HPSE2: variants seen among roughly 807,000 people sequenced by gnomAD.
HPSE2 encodes the protein heparanase 2 (inactive), also known as inactive heparanase-2.
HPSE2 carries 38 observed loss-of-function variants against 60.5 expected under a neutral mutation model. The observed-to-expected ratio is 0.63, with a 90% CI of 0.48 to 0.82. The LOEUF is 0.82. Ranked by LOEUF, HPSE2 falls within the 40% of genes least tolerant of loss-of-function variation. HPSE2 has a pLI of 0.00. For missense variants in HPSE2, 713 were observed against 740.4 expected (o/e 0.96, Z 0.43); for synonymous variants, 295 against 293.2 (o/e 1.01, Z -0.06).
intron 9 of HPSE2, among the ~76,000 whole-genome samples, chr10:98,588,401 C>T (rs1357114983): frequency 3.3e-5 from 5 of 152,046 alleles, no homozygotes; most frequent in African/African-American, 1.2e-4. Context: ...TATGGAGCTG[C>T]GGGGAGACTT....
chr10:98,879,598 CA>C (rs1366078443), intron 3 of HPSE2, among the ~76,000 whole-genome samples: 2 of 151,756 alleles, frequency 1.3e-5, no homozygotes, highest in Non-Finnish European at 2.9e-5. Flanking sequence ...TGTATCCTGG[CA>C]AAATAAATAT....
At chr10:98,683,196 A>T (rs2134141108) in intron 6 of HPSE2, among the ~76,000 whole-genome samples, 1 of 152,282 alleles carries the variant, frequency 6.6e-6, no homozygotes, top group South Asian at 2.1e-4. Flanking sequence ...CTATAAACAA[A>T]ATCATCCAAT....
intron 3 of HPSE2, among the ~76,000 whole-genome samples, chr10:99,055,254 T>C (rs937299988): frequency 3.3e-5 from 5 of 152,044 alleles, no homozygotes; most frequent in Admixed American, 6.6e-5. Context: ...GAAAATGTAG[T>C]TTTAGTAAGT....
At chr10:99,090,548 A>G (rs975465493) in intron 3 of HPSE2, among the ~76,000 whole-genome samples, 45 of 152,170 alleles carry the variant, frequency 3.0e-4, no homozygotes, top group Non-Finnish European at 1.2e-4. Flanking sequence ...AATAAAATTT[A>G]AGTATACATG....
the HPSE2 span, among the ~76,000 whole-genome samples, chr10:99,284,854 T>A: frequency 6.6e-6 from 1 of 152,006 alleles, no homozygotes; most frequent in East Asian, 1.9e-4. Context: ...ATAAAGAAAA[T>A]GTGATACATA....
intron 6 of HPSE2, among the ~76,000 whole-genome samples, chr10:98,663,692 A>G (rs1256222299): frequency 6.6e-6 from 1 of 152,144 alleles, no homozygotes; most frequent in African/African-American, 2.4e-5. Context: ...TCTTGGGAAC[A>G]GGAGAACTTT....
chr10:99,159,202 C>A (rs1846719600), intron 2 of HPSE2, among the ~76,000 whole-genome samples: 1 of 151,894 alleles, frequency 6.6e-6, no homozygotes, highest in Non-Finnish European at 1.5e-5. Context: ...AAAGATAAGT[C>A]AATAAAACAA....
intron 3 of HPSE2, among the ~76,000 whole-genome samples, chr10:98,796,947 TG>T (rs1487552044): frequency 6.6e-6 from 1 of 152,234 alleles, no homozygotes; most frequent in Non-Finnish European, 1.5e-5. Context: ...TCTACGAGTC[TG>T]CAAAAACCAC....
chr10:99,191,090 G>A (rs954332938), intron 2 of HPSE2, among the ~76,000 whole-genome samples: 2 of 152,112 alleles, frequency 1.3e-5, no homozygotes, highest in Admixed American at 6.5e-5. Context: ...TGAGGTTTGG[G>A]TGCCAGCTCA....
chr10:98,866,083 T>A (rs1232737748), intron 3 of HPSE2, among the ~76,000 whole-genome samples: 1 of 151,944 alleles, frequency 6.6e-6, no homozygotes, highest in Non-Finnish European at 1.5e-5. Flanking sequence ...AATCAATTAA[T>A]CCAAAACAAC....
intron 2 of HPSE2, among the ~76,000 whole-genome samples, chr10:99,148,981 A>T (rs534607843): frequency 4.2e-4 from 64 of 152,130 alleles, no homozygotes; most frequent in Non-Finnish European, 7.6e-4. Flanking sequence ...GAACTTATGC[A>T]TGTAACCAAA....
intron 3 of HPSE2, among the ~76,000 whole-genome samples, chr10:98,860,957 A>T (rs963909545): frequency 2.0e-5 from 3 of 152,198 alleles, no homozygotes; most frequent in Non-Finnish European, 2.9e-5. Flanking sequence ...CATTCAGGGC[A>T]AGAAACATAC....
Position 98,477,882 on chromosome 10 carries a change from G to T in HPSE2, c.1613+4754C>A, listed in dbSNP as rs569709808. 5.0e-3 allele frequency among the ~76,000 whole-genome samples: 758 copies of T among 152,298 alleles called. 7 individuals carry two copies. The highest frequency in any genetic ancestry group is 0.017 in the African/African-American group (720 of 41,550). ...CCAGCAGCATCATCAGATTCTCATA[G>T]AAGTGTGAACCCTATTGTGAACTGC... On this transcript the variant is annotated intron_variant, in intron 11 of 11. Transcript: ENST00000370552.
At chr10:98,971,942 C>T (rs1434510664) in intron 3 of HPSE2, among the ~76,000 whole-genome samples, 1 of 152,062 alleles carries the variant, frequency 6.6e-6, no homozygotes, top group African/African-American at 2.4e-5. Flanking sequence ...CAGGCCCCTA[C>T]ATTTTATGTT....
intron 3 of HPSE2, among the ~76,000 whole-genome samples, chr10:99,105,179 A>T (rs2135661583): frequency 2.6e-5 from 4 of 152,082 alleles, no homozygotes; most frequent in Admixed American, 2.6e-4. Flanking sequence ...TTTATGTCTA[A>T]CTAAACCCTA....
intron 3 of HPSE2, among the ~76,000 whole-genome samples, chr10:98,867,433 A>G (rs1412480109): frequency 6.6e-6 from 1 of 152,186 alleles, no homozygotes; most frequent in Admixed American, 6.5e-5. Flanking sequence ...ATGGAAATCA[A>G]AACCACAATG....
chr10:98,713,433 A>C (rs144233438), intron 5 of HPSE2, among the ~76,000 whole-genome samples: 1 of 151,928 alleles, frequency 6.6e-6, no homozygotes, highest in East Asian at 1.9e-4. Context: ...GAATCCTCCA[A>C]ATTGTAATTC....
intron 2 of HPSE2, among the ~76,000 whole-genome samples, chr10:99,156,079 AACAGG>A (rs1846542492): frequency 6.7e-6 from 1 of 148,486 alleles, no homozygotes; most frequent in South Asian, 2.2e-4. Context: ...ATAGACCAAT[AACAGG>A]ATCTGAAATT....
chr10:98,589,175 G>A (rs547993208), intron 9 of HPSE2, among the ~76,000 whole-genome samples: 2 of 152,340 alleles, frequency 1.3e-5, no homozygotes, highest in South Asian at 4.1e-4. Flanking sequence ...GCATGACACA[G>A]CAGGATTGGA....
Sources: gnomAD v4.1 joint callset for allele counts (sites outside exome capture counted in the v4.1 genomes callset) on GRCh38, gnomAD v4.1.1 for gene constraint, MANE v1.5 for transcripts, NCBI Gene and HGNC (gene_info 2026-07-23, HGNC 2026-07-21) for gene names.